Variants in CBL observed in about 807,000 individuals in gnomAD.
CBL encodes the protein E3 ubiquitin-protein ligase CBL.
Under a neutral mutation model 96.9 loss-of-function variants are expected in CBL, and 45 were observed. The observed-to-expected ratio is 0.46, with a 90% confidence interval of 0.37 to 0.60. The LOEUF (loss-of-function observed/expected upper bound fraction) is 0.60, where lower values mean the gene tolerates loss of function less well. CBL is among the 20% of genes least tolerant of loss of function. The pLI is 0.00. For missense variants in CBL, 1,024 were observed against 1,143.5 expected, an observed-to-expected ratio of 0.90 and a Z score of 1.51; for synonymous variants, 420 against 426.8, an observed-to-expected ratio of 0.98 and a Z score of 0.20.
At chr11:119,268,667 A>G (rs1345424062) in intron 2 of CBL, among the ~76,000 whole-genome samples, 1 of 152,200 alleles carries the variant, frequency 6.6e-6, no homozygotes, top group Non-Finnish European at 1.5e-5. Context: ...ACGGAGAAAG[A>G]ACTGAAAATA....
At chr11:119,225,574 T>G (rs1252651632) in intron 1 of CBL, among the ~76,000 whole-genome samples, 3 of 152,012 alleles carry the variant, frequency 2.0e-5, no homozygotes, top group African/African-American at 7.3e-5. Flanking sequence ...ATTTTTGGTA[T>G]TTTTTGTAGA....
At chr11:119,207,434 G>C (rs977585683) in intron 1 of CBL, among the ~76,000 whole-genome samples, 21 of 152,106 alleles carry the variant, frequency 1.4e-4, no homozygotes, top group Admixed American at 1.4e-3. Flanking sequence ...CTTTTTTTCT[G>C]GTAACGGTTC....
Position 119,303,027 on chromosome 11 carries a change from G to A in CBL, c.*3246G>A, listed in dbSNP as rs1481305002. The A allele has an allele frequency of 8.7e-6, 2 of 229,648 alleles. No homozygotes were observed. The highest frequency in any genetic ancestry group is 1.1e-4 in the Admixed American group (2 of 17,612). 14.2% of individuals were successfully genotyped at this position (229,648 alleles called of 1,614,324 possible). A position where few individuals can be genotyped will look rare whatever the true frequency, so the allele number is the denominator to read the frequency against. On this transcript the variant is annotated 3_prime_UTR_variant, in exon 16 of 16. Transcript: ENST00000264033. ...AAGATTTCTGGTTAAGGGAGGTGGG[G>A]GTCACTGTTCATCACTCTTAAAATA... is the stretch of plus-strand genomic sequence containing the variant.
chr11:119,213,789 C>T (rs1949336667), intron 1 of CBL, among the ~76,000 whole-genome samples: 1 of 152,052 alleles, frequency 6.6e-6, no homozygotes, highest in Non-Finnish European at 1.5e-5. Context: ...TCACTGCATC[C>T]TTAAGCGTCT....
intron 1 of CBL, among the ~76,000 whole-genome samples, chr11:119,213,200 T>C (rs1047828314): frequency 1.3e-5 from 2 of 152,194 alleles, no homozygotes. Flanking sequence ...CTGTGCCTCC[T>C]AAAAGCACCT....
At chr11:119,270,436 ATTTTTTTTTTTTTT>A (rs869150071) in intron 2 of CBL, among the ~76,000 whole-genome samples, 12 of 38,656 alleles carry the variant, frequency 3.1e-4, no homozygotes, top group Admixed American at 4.0e-4. Context: ...ATATATATAT[ATTTTTTTTTTTTTT>A]TTTTTTTTTT....
intron 2 of CBL, among the ~76,000 whole-genome samples, chr11:119,270,590 G>A (rs1263804376): frequency 6.8e-6 from 1 of 147,448 alleles, no homozygotes; most frequent in Non-Finnish European, 1.5e-5. Context: ...GGGACTACAG[G>A]CGCCCGCCAC....
In CBL at chr11:119,298,532, C is replaced by G. The variant is rs774158357; in HGVS notation, c.2426C>G (p.Pro809Arg). Reference protein sequence around the residue: ...SFGWLSLDGDPTTNVTEGSQV... With the variant: ...SFGWLSLDGDRTTNVTEGSQV... Reference sequence around the variant, plus strand: ...GGCTGGTTGTCTCTGGATGGTGATCCTACAACAAGTGAGTCTCCAGACTAC... The same window carrying G: ...GGCTGGTTGTCTCTGGATGGTGATCGTACAACAAGTGAGTCTCCAGACTAC... Residue 809 changes from proline to arginine, a missense_variant, in exon 15 of 16, where the codon CCT becomes CGT. Around this residue, in one of 4 missense-constraint regions of CBL, gnomAD observed 695 missense variants for 661.6 expected, o/e 1.05. Coordinates refer to ENST00000264033, the MANE Select transcript of CBL (RefSeq NM_005188.4). 6.2e-7 allele frequency: 1 copy of G among 1,614,052 alleles called. No individual in the cohort carries two copies. The highest frequency in any genetic ancestry group is 1.7e-5 in the Admixed American group (1 of 60,028).
At chr11:119,285,596 T>C in intron 11 of CBL, 30 bp downstream of exon 11, 1 of 1,609,670 alleles carries the variant, frequency 6.2e-7, no homozygotes. Flanking sequence ...CTATCTAACC[T>C]GTTAAGAAAT....
At chr11:119,278,739 C>G (rs1190783369) in intron 9 of CBL, 26 bp downstream of exon 9, 1 of 1,576,970 alleles carries the variant, frequency 6.3e-7, no homozygotes, top group African/African-American at 1.3e-5. Flanking sequence ...AGGAGACTGG[C>G]AAAATCCATT....
Position 119,234,116 on chromosome 11 carries a change from T to C in CBL, c.443+1421T>C, listed in dbSNP as rs191391809. On this transcript the variant is annotated intron_variant, in intron 2 of 15. Coordinates refer to ENST00000264033, the MANE Select transcript of CBL (RefSeq NM_005188.4). ...CCGCCTCTTGGGTTCAAGTGATTCT[T>C]CTGTCTCAGCCTCCTTAGTAGCTGG... 7.5e-3 allele frequency among the ~76,000 whole-genome samples: 1,134 copies of C among 152,174 alleles called. 12 individuals carry two copies. The highest frequency in any genetic ancestry group is 0.022 in the African/African-American group (919 of 41,528).
intron 2 of CBL, among the ~76,000 whole-genome samples, chr11:119,234,248 C>T (rs574929223): frequency 1.8e-4 from 28 of 152,100 alleles, no homozygotes; most frequent in Non-Finnish European, 1.0e-4. Flanking sequence ...TCAGGGGATC[C>T]GCCTGCCTCA....
At chr11:119,214,496 A>C (rs1243480707) in intron 1 of CBL, among the ~76,000 whole-genome samples, 1 of 152,076 alleles carries the variant, frequency 6.6e-6, no homozygotes, top group Non-Finnish European at 1.5e-5. Context: ...TGACTCGCCC[A>C]CTGCGACCTC....
intron 2 of CBL, among the ~76,000 whole-genome samples, chr11:119,235,115 T>C (rs963612762): frequency 2.2e-4 from 33 of 151,906 alleles, no homozygotes; most frequent in African/African-American, 7.3e-4. Flanking sequence ...CTTTTTTCTA[T>C]TTTTTTTCTT....
At chr11:119,223,913 A>G (rs55686535) in intron 1 of CBL, among the ~76,000 whole-genome samples, 2,325 of 152,170 alleles carry the variant, frequency 0.015, 54 homozygotes, top group African/African-American at 0.052. Context: ...GTGTGAGCCA[A>G]TGCCCCTGGC....
intron 2 of CBL, among the ~76,000 whole-genome samples, chr11:119,262,085 A>T (rs149398523): frequency 5.4e-4 from 83 of 152,340 alleles, no homozygotes; most frequent in African/African-American, 1.9e-3. Context: ...ATTTTCAGTG[A>T]TACCATGTAG....
At chr11:119,228,007 C>G (rs576871602) in intron 1 of CBL, among the ~76,000 whole-genome samples, 3 of 151,798 alleles carry the variant, frequency 2.0e-5, no homozygotes, top group African/African-American at 7.2e-5. Context: ...CAACCTTTAA[C>G]TTACAGCCTC....
At chr11:119,264,665 A>G (rs1949787240) in intron 2 of CBL, among the ~76,000 whole-genome samples, 1 of 147,710 alleles carries the variant, frequency 6.8e-6, no homozygotes, top group African/African-American at 2.5e-5. Context: ...TTTTTTTTGT[A>G]GAGACGGACT....
Position 119,271,784 on chromosome 11 carries a change from C to G in CBL, c.493C>G (p.Leu165Val), listed in dbSNP as rs1555229540. 3 of 1,613,908 alleles carry G rather than the reference C, an allele frequency of 1.9e-6. No homozygotes were observed. Among genetic ancestry groups the G allele is most frequent in the Non-Finnish European group, 2.5e-6 (3 of 1,179,826 alleles). ...SLIFSHMLAELKGIFPSGLFQ... is the reference protein window; with the variant it reads ...SLIFSHMLAEVKGIFPSGLFQ... ...CATCTTCAGCCACATGCTGGCAGAACTAAAAGGAATCTTTCCAAGTGGACT... is the reference window on the plus strand; with the variant it reads ...CATCTTCAGCCACATGCTGGCAGAAGTAAAAGGAATCTTTCCAAGTGGACT... Residue 165 changes from leucine to valine, a missense_variant, in exon 3 of 16, where the codon CTA becomes GTA. Leu to Val is a conservative substitution (Grantham distance 32, BLOSUM62 1). Around this residue, in one of 4 missense-constraint regions of CBL, gnomAD observed 192 missense variants for 321.8 expected, o/e 0.60. Transcript: ENST00000264033.
Sources: allele counts gnomAD v4.1 joint callset (sites outside exome capture counted in the v4.1 genomes callset), GRCh38; gene constraint gnomAD v4.1.1; regional missense constraint gnomAD v4.1.1; transcripts MANE v1.5; gene names NCBI Gene and HGNC (gene_info 2026-07-23, HGNC 2026-07-21).